Variants in PLD5 observed in about 807,000 individuals in gnomAD.
PLD5 encodes inactive phospholipase D5.
PLD5 carries 36 observed loss-of-function variants against 61.1 expected under a neutral mutation model. The ratio of observed to expected loss-of-function variants is 0.59; its 90% confidence interval spans 0.45 to 0.78. The LOEUF is 0.78. PLD5 is among the 30% of genes least tolerant of loss of function. The pLI is 0.00. For missense variants in PLD5, 515 were observed against 644.4 expected, an observed-to-expected ratio of 0.80 and a Z score of 2.17; for synonymous variants, 243 against 242.8, an observed-to-expected ratio of 1.00 and a Z score of -0.01.
At chr1:242,360,311 T>C (rs1660995880) in intron 1 of PLD5, among the ~76,000 whole-genome samples, 1 of 152,166 alleles carries the variant, frequency 6.6e-6, no homozygotes, top group South Asian at 2.1e-4. Flanking sequence ...AGGATCATGA[T>C]AAATACACCC....
chr1:242,253,114 CCTT>C (rs1412453534), intron 4 of PLD5, among the ~76,000 whole-genome samples: 1 of 121,434 alleles, frequency 8.2e-6, no homozygotes, highest in Non-Finnish European at 1.6e-5. Context: ...CGTGTATGGC[CCTT>C]TTTTTTTTTT....
chr1:242,279,088 C>G (rs1459527767), intron 3 of PLD5, among the ~76,000 whole-genome samples: 1 of 152,224 alleles, frequency 6.6e-6, no homozygotes, highest in Non-Finnish European at 1.5e-5. Flanking sequence ...ATAACACCAG[C>G]AGGATAAATA....
chr1:242,285,786 T>C (rs1407288248), intron 3 of PLD5, among the ~76,000 whole-genome samples: 1 of 151,874 alleles, frequency 6.6e-6, no homozygotes, highest in Non-Finnish European at 1.5e-5. Flanking sequence ...AAACTACAGT[T>C]TACAATAATC....
At chr1:242,325,170 C>A (rs1216495970) in intron 2 of PLD5, among the ~76,000 whole-genome samples, 1 of 152,012 alleles carries the variant, frequency 6.6e-6, no homozygotes, top group African/African-American at 2.4e-5. Context: ...AGAAAACATC[C>A]TACACCTCCA....
chr1:242,166,063 TGTG>T (rs1242199455), intron 5 of PLD5, among the ~76,000 whole-genome samples: 1 of 152,222 alleles, frequency 6.6e-6, no homozygotes, highest in Non-Finnish European at 1.5e-5. Flanking sequence ...TGCTTCCTGT[TGTG>T]GTGGTGTATT....
rs1017021836 is a variant in PLD5 at position 242,150,426 on chromosome 1, G to T, written c.736-25761C>A. On this transcript the variant is annotated intron_variant, in intron 5 of 9. Transcript: ENST00000536534. Reference sequence around the variant, plus strand: ...GGTGAAGTCTTCAGTTATAATTGTGGGTTTGTTTATTTCTCCTTATACTAT... The same window carrying T: ...GGTGAAGTCTTCAGTTATAATTGTGTGTTTGTTTATTTCTCCTTATACTAT... Among the ~76,000 whole-genome samples, 51 of 151,478 alleles carry T rather than the reference G, an allele frequency of 3.4e-4. 1 individual carries two copies. The highest frequency in any genetic ancestry group is 1.0e-3 in the South Asian group (5 of 4,800).
intron 1 of PLD5, among the ~76,000 whole-genome samples, chr1:242,505,982 A>C (rs1033419355): frequency 3.3e-5 from 5 of 152,260 alleles, no homozygotes; most frequent in African/African-American, 1.2e-4. Flanking sequence ...CACTTGCTGC[A>C]GACTGTATAA....
At chr1:242,290,182 G>A (rs1675274844) in intron 2 of PLD5, among the ~76,000 whole-genome samples, 1 of 142,688 alleles carries the variant, frequency 7.0e-6, no homozygotes, top group African/African-American at 2.6e-5. Context: ...AAATGGTGAA[G>A]CAAGGGTAAG....
intron 1 of PLD5, among the ~76,000 whole-genome samples, chr1:242,493,344 A>G (rs1469835544): frequency 1.3e-5 from 2 of 152,172 alleles, no homozygotes; most frequent in Non-Finnish European, 1.5e-5. Flanking sequence ...GAGGCCACGC[A>G]GCGAATGTCT....
In PLD5 at chr1:242,393,488, GTATATATATGTGTATATATGAGTATA is replaced by G. The variant is rs1305338609; in HGVS notation, c.190-45272_190-45247del. On this transcript the variant is annotated intron_variant, in intron 1 of 9. Coordinates refer to ENST00000536534, the MANE Select transcript of PLD5 (RefSeq NM_001372062.1). The stretch of plus-strand genomic sequence containing the variant: ...TGAGTATATATATGTGTATATATGA[GTATATATATGTGTATATATGAGTATA>G]TATATATGTGTATATATGTGAGTAT... Among the ~76,000 whole-genome samples, 72 of 21,718 alleles carry G rather than the reference GTATATATATGTGTATATATGAGTATA, an allele frequency of 3.3e-3. 12 individuals are homozygous for G. Among genetic ancestry groups the G allele is most frequent in the Non-Finnish European group, 4.9e-3 (61 of 12,334 alleles). The allele number at this position is 21,718 out of a possible 152,430, so 14.2% of individuals were successfully genotyped here.
rs757338742 is a variant in PLD5 at position 242,124,564 on chromosome 1, C to A, written c.837G>T (p.Val279=). 5 of 1,613,820 alleles carry A rather than the reference C, an allele frequency of 3.1e-6. No individual in the cohort carries two copies. The Admixed American group carries it at 5.0e-5, about 16-fold the overall frequency. ...AGAGTCTTTTGGACCAGGTTTGAGG[C>A]ACTCTGCTTTTGAATTTTAATGAAC... ...LYSSLKFKSR[V]PQTWSKRLYG... is the part of the protein sequence containing the mutation. The change falls in exon 6 of 10, where the codon GTG becomes GTT. Residue 279 remains valine, a synonymous_variant. Transcript: ENST00000536534.
At chr1:242,437,917 G>C (rs867347889) in intron 1 of PLD5, among the ~76,000 whole-genome samples, 3 of 152,204 alleles carry the variant, frequency 2.0e-5, no homozygotes, top group Non-Finnish European at 4.4e-5. Context: ...CTGTGCTACT[G>C]TATAAGATCC....
intron 4 of PLD5, among the ~76,000 whole-genome samples, chr1:242,247,013 T>C (rs549013646): frequency 6.7e-6 from 1 of 149,320 alleles, no homozygotes; most frequent in East Asian, 2.0e-4. Flanking sequence ...AGACGGAGTT[T>C]CGCTCTGTCG....
At chr1:242,411,791 G>A (rs573788393) in intron 1 of PLD5, among the ~76,000 whole-genome samples, 1 of 152,268 alleles carries the variant, frequency 6.6e-6, no homozygotes, top group African/African-American at 2.4e-5. Flanking sequence ...CAACCAAAAT[G>A]AATGACTGAG....
intron 1 of PLD5, among the ~76,000 whole-genome samples, chr1:242,392,970 G>A (rs947435096): frequency 1.3e-5 from 2 of 151,666 alleles, no homozygotes; most frequent in East Asian, 3.9e-4. Context: ...TTGGGAGGCC[G>A]AGGCGGGTGG....
intron 5 of PLD5, among the ~76,000 whole-genome samples, chr1:242,219,725 G>C (rs1670442743): frequency 6.6e-6 from 1 of 152,110 alleles, no homozygotes; most frequent in Non-Finnish European, 1.5e-5. Flanking sequence ...CAATTACATA[G>C]CAACCTGCTC....
chr1:242,105,636 G>GT (rs1456530370), intron 8 of PLD5, among the ~76,000 whole-genome samples: 7 of 152,144 alleles, frequency 4.6e-5, no homozygotes, highest in Admixed American at 4.6e-4. Flanking sequence ...CAGAAATTTG[G>GT]TATTTCACAG....
At chr1:242,529,172 C>T (rs911589943), upstream of PLD5, among the ~76,000 whole-genome samples, 3 of 151,880 alleles carry the variant, frequency 2.0e-5, no homozygotes, top group Non-Finnish European at 4.4e-5. Context: ...TAAAGTAGTC[C>T]CAGATTGAAA....
chr1:242,265,238 T>G (rs1673597345), intron 4 of PLD5, 99 bp downstream of exon 4: 2 of 1,410,116 alleles, frequency 1.4e-6, no homozygotes, highest in African/African-American at 3.0e-5. Flanking sequence ...CTAAGTGAAA[T>G]GTACTAACCA....
Sources: gnomAD v4.1 joint callset for allele counts (sites outside exome capture counted in the v4.1 genomes callset) on GRCh38, gnomAD v4.1.1 for gene constraint, MANE v1.5 for transcripts, NCBI Gene and HGNC (gene_info 2026-07-23, HGNC 2026-07-21) for gene names.